The following EDIL3 variants were observed in gnomAD, a reference collection of about 807,000 sequenced individuals.
EDIL3 encodes the protein EGF-like repeat and discoidin I-like domain-containing protein 3.
A neutral mutation model predicts 67.4 loss-of-function variants in EDIL3; 37 were observed. The observed-to-expected ratio is 0.55, with a 90% CI of 0.42 to 0.72. The LOEUF (loss-of-function observed/expected upper bound fraction) is 0.72. Ranked by LOEUF, EDIL3 falls within the 30% of genes least tolerant of loss-of-function variation. The probability of loss-of-function intolerance (pLI) is 0.00; values close to 1 mark genes in which losing one functional copy is unlikely to be tolerated. For missense variants in EDIL3, 527 were observed against 586.3 expected (o/e 0.90, Z 1.04); for synonymous variants, 195 against 196.3 (o/e 0.99, Z 0.05).
chr5:84,370,837 T>C (rs554168767), intron 1 of EDIL3, among the ~76,000 whole-genome samples: 22 of 152,322 alleles, frequency 1.4e-4, no homozygotes, highest in African/African-American at 4.8e-4. Flanking sequence ...GATAACAATT[T>C]ATTAAATAAC....
At chr5:84,144,514 CT>C in intron 4 of EDIL3, among the ~76,000 whole-genome samples, 1 of 152,082 alleles carries the variant, frequency 6.6e-6, no homozygotes, top group Non-Finnish European at 1.5e-5. Context: ...CTAAATTGGT[CT>C]GGCAGACTAG....
At chr5:84,109,319 A>C (rs1747518101) in intron 5 of EDIL3, among the ~76,000 whole-genome samples, 1 of 151,946 alleles carries the variant, frequency 6.6e-6, no homozygotes, top group South Asian at 2.1e-4. Flanking sequence ...CAGACTGACC[A>C]ACATGGTGAA....
At chr5:84,216,999 T>C (rs1213199095) in intron 3 of EDIL3, among the ~76,000 whole-genome samples, 2 of 152,172 alleles carry the variant, frequency 1.3e-5, no homozygotes, top group Admixed American at 1.3e-4. Context: ...AGTTCAGACC[T>C]GAAGGCCCAT....
intron 3 of EDIL3, among the ~76,000 whole-genome samples, chr5:84,209,624 A>T (rs554580621): frequency 1.4e-4 from 19 of 133,732 alleles, no homozygotes; most frequent in African/African-American, 4.7e-4. Flanking sequence ...TAAAGGATTA[A>T]CTAAACTTAT....
intron 5 of EDIL3, among the ~76,000 whole-genome samples, chr5:84,124,640 T>A (rs775301197): frequency 1.3e-5 from 2 of 151,968 alleles, no homozygotes; most frequent in South Asian, 4.1e-4. Flanking sequence ...CAGAATTTTA[T>A]GTGTTACTTT....
chr5:84,374,452 C>T (rs1164389987), intron 1 of EDIL3, among the ~76,000 whole-genome samples: 2 of 152,132 alleles, frequency 1.3e-5, no homozygotes, highest in Admixed American at 1.3e-4. Flanking sequence ...CTTATGTTTC[C>T]TAAAGTGGAA....
intron 9 of EDIL3, among the ~76,000 whole-genome samples, chr5:84,010,027 G>C (rs1292602249): frequency 6.6e-6 from 1 of 152,214 alleles, no homozygotes; most frequent in African/African-American, 2.4e-5. Context: ...AGTGAAGTCA[G>C]GCAACTTATG....
chr5:84,257,796 A>C (rs1287421200), intron 1 of EDIL3, among the ~76,000 whole-genome samples: 1 of 152,176 alleles, frequency 6.6e-6, no homozygotes, highest in Non-Finnish European at 1.5e-5. Flanking sequence ...TATTTCACTG[A>C]GTCTATTAAG....
intron 5 of EDIL3, among the ~76,000 whole-genome samples, chr5:84,130,809 A>T (rs1747950723): frequency 6.6e-6 from 1 of 152,170 alleles, no homozygotes; most frequent in South Asian, 2.1e-4. Context: ...AAAAAGATAA[A>T]TCAAATTGGG....
chr5:84,167,175 T>C (rs1490010855), intron 4 of EDIL3, among the ~76,000 whole-genome samples: 2 of 152,074 alleles, frequency 1.3e-5, no homozygotes, highest in Admixed American at 1.3e-4. Flanking sequence ...GAGCACGTCA[T>C]AGTGCATAAT....
At chr5:84,142,762 G>A (rs1306189419) in intron 4 of EDIL3, among the ~76,000 whole-genome samples, 1 of 151,578 alleles carries the variant, frequency 6.6e-6, no homozygotes, top group East Asian at 1.9e-4. Context: ...AAGGAACATG[G>A]TTCTTGGGCT....
At chr5:84,294,586 C>T (rs1262554544) in intron 1 of EDIL3, among the ~76,000 whole-genome samples, 1 of 151,700 alleles carries the variant, frequency 6.6e-6, no homozygotes, top group Non-Finnish European at 1.5e-5. Flanking sequence ...ATGTTTATCA[C>T]ACTCAAGAAT....
intron 1 of EDIL3, among the ~76,000 whole-genome samples, chr5:84,255,822 G>T (rs938325864): frequency 7.2e-5 from 11 of 152,154 alleles, no homozygotes; most frequent in African/African-American, 2.4e-4. Flanking sequence ...TAAAATGAAT[G>T]AATTAATGTT....
chr5:84,091,157 G>T (rs980035075), intron 6 of EDIL3, among the ~76,000 whole-genome samples: 1 of 152,082 alleles, frequency 6.6e-6, no homozygotes, highest in African/African-American at 2.4e-5. Context: ...CACACTAGCT[G>T]CCTGGGTTTG....
intron 3 of EDIL3, among the ~76,000 whole-genome samples, chr5:84,202,594 C>A: frequency 6.6e-6 from 1 of 152,006 alleles, no homozygotes; most frequent in Non-Finnish European, 1.5e-5. Flanking sequence ...ATAAAGGTGG[C>A]TTGGATGTTT....
chr5:84,075,886 G>GCACA (rs1554066710), intron 6 of EDIL3, among the ~76,000 whole-genome samples: 2 of 51,544 alleles, frequency 3.9e-5, no homozygotes, highest in Non-Finnish European at 7.4e-5. Flanking sequence ...GCAAAAGTGT[G>GCACA]CACGCACACA....
intron 5 of EDIL3, among the ~76,000 whole-genome samples, chr5:84,108,202 A>G (rs1422010464): frequency 6.6e-6 from 1 of 151,952 alleles, no homozygotes; most frequent in Non-Finnish European, 1.5e-5. Flanking sequence ...ACTTAGTAAG[A>G]TATTTCTCAC....
intron 1 of EDIL3, among the ~76,000 whole-genome samples, chr5:84,267,416 T>G (rs1262287987): frequency 6.6e-6 from 1 of 152,214 alleles, no homozygotes; most frequent in Non-Finnish European, 1.5e-5. Flanking sequence ...AGGTGGGTAA[T>G]GCTTAGTGTT....
intron 9 of EDIL3, among the ~76,000 whole-genome samples, chr5:84,056,588 A>G (rs1366030932): frequency 1.3e-5 from 2 of 152,160 alleles, no homozygotes; most frequent in Non-Finnish European, 2.9e-5. Context: ...GGGGGGCTGA[A>G]TTTACAATTG....
Sources: allele counts gnomAD v4.1 joint callset (sites outside exome capture counted in the v4.1 genomes callset), GRCh38; gene constraint gnomAD v4.1.1; transcripts MANE v1.5; gene names NCBI Gene and HGNC (gene_info 2026-07-23, HGNC 2026-07-21).